TTC39B: variants seen among roughly 807,000 people sequenced by gnomAD.
The protein encoded by TTC39B is tetratricopeptide repeat domain 39B.
In TTC39B, 92 loss-of-function variants were observed where a neutral mutation model predicts 96.6. The ratio of observed to expected loss-of-function variants is 0.95; its 90% CI spans 0.80 to 1.13. The LOEUF is 1.13. Ranked by LOEUF, TTC39B falls within the 50% of genes most tolerant of loss-of-function variation. TTC39B has a pLI of 0.00. For synonymous variants in TTC39B, 367 were observed against 299.4 expected (o/e 1.23, Z -2.33); for missense variants, 955 against 809.3 (o/e 1.18, Z -2.18).
intron 13 of TTC39B, 30 bp from the exon 14 acceptor site, chr9:15,188,162 C>A: frequency 3.2e-6 from 5 of 1,545,456 alleles, no homozygotes; most frequent in South Asian, 2.6e-5. Context: ...AGTTGATCGT[C>A]CAGATATTAG....
chr9:15,267,567 A>T (rs1428118627), intron 2 of TTC39B, among the ~76,000 whole-genome samples: 1 of 152,230 alleles, frequency 6.6e-6, no homozygotes, highest in Non-Finnish European at 1.5e-5. Context: ...ATAGGCTTAC[A>T]GTGAATGCTT....
intron 3 of TTC39B, among the ~76,000 whole-genome samples, chr9:15,216,948 G>A (rs943635495): frequency 6.6e-6 from 1 of 152,194 alleles, no homozygotes; most frequent in Admixed American, 6.5e-5. Context: ...TGGGAGGCAG[G>A]GGTGAGGAGA....
chr9:15,166,479 T>G (rs1817518854), exon 20 of TTC39B: 1 of 152,224 alleles, frequency 6.6e-6, no homozygotes, highest in Non-Finnish European at 1.5e-5. Context: ...TCTGCAGTTA[T>G]GAAGTTACAA....
chr9:15,187,593 G>A (rs1013632581), intron 14 of TTC39B, among the ~76,000 whole-genome samples: 3 of 152,170 alleles, frequency 2.0e-5, no homozygotes, highest in Admixed American at 6.5e-5. Flanking sequence ...CCACGTAGAA[G>A]GGACTATAGA....
intron 1 of TTC39B, among the ~76,000 whole-genome samples, chr9:15,298,969 G>C (rs1231723980): frequency 6.6e-6 from 1 of 152,062 alleles, no homozygotes; most frequent in Admixed American, 6.6e-5. Context: ...GACTCAGAAT[G>C]TCTAAGAAAT....
chr9:15,167,934 TG>T (rs1329372929), exon 20 of TTC39B: 2 of 152,136 alleles, frequency 1.3e-5, no homozygotes, highest in African/African-American at 4.8e-5. Flanking sequence ...GGCAGAATAA[TG>T]TTCAAATATG....
chr9:15,298,115 T>C (rs7038053), intron 1 of TTC39B, among the ~76,000 whole-genome samples: 10,736 of 152,226 alleles, frequency 0.071, 447 homozygotes, highest in South Asian at 0.18. Flanking sequence ...CTTCTGGAGC[T>C]GGGAAGTCCT....
At chr9:15,245,866 T>G (rs1013242700) in intron 2 of TTC39B, among the ~76,000 whole-genome samples, 5 of 152,184 alleles carry the variant, frequency 3.3e-5, no homozygotes, top group African/African-American at 1.2e-4. Context: ...ATCAAACTCA[T>G]GTTCTGTTTG....
At chr9:15,228,600 C>G (rs941957424) in intron 2 of TTC39B, among the ~76,000 whole-genome samples, 3 of 152,208 alleles carry the variant, frequency 2.0e-5, no homozygotes, top group African/African-American at 7.2e-5. Context: ...GCCAACTCAC[C>G]TCTAACTAAG....
chr9:15,170,057 T>C (rs1490117256), exon 20 of TTC39B: 1 of 152,188 alleles, frequency 6.6e-6, no homozygotes, highest in Non-Finnish European at 1.5e-5. Flanking sequence ...GAAAACTTTT[T>C]TCCAAAGCTA....
chr9:15,255,146 C>T (rs1455882496), intron 2 of TTC39B, among the ~76,000 whole-genome samples: 6 of 151,928 alleles, frequency 3.9e-5, no homozygotes, highest in African/African-American at 1.5e-4. Context: ...AAATAAATAA[C>T]ATAGAAATTA....
intron 1 of TTC39B, among the ~76,000 whole-genome samples, chr9:15,289,566 T>C (rs534937750): frequency 2.0e-5 from 3 of 152,328 alleles, no homozygotes; most frequent in South Asian, 2.1e-4. Flanking sequence ...CAGAACTCCA[T>C]GTGTCTGCTA....
At position 15,285,974 on chromosome 9, in the gene TTC39B, C is replaced by A. The variant is rs547996847; in HGVS notation, c.241-18026G>T. 2.1e-4 allele frequency among the ~76,000 whole-genome samples: 32 copies of A among 152,340 alleles called. 1 individual carries two copies. In the South Asian group the frequency reaches 6.6e-3, roughly 32 times the overall value. ...CACCCTCTCCACCTCCTTTTCCCTT[C>A]CTATCGATCAATCAATCTAGCCAAA... On this transcript the variant is annotated intron_variant, in intron 1 of 19. Transcript: ENST00000512701.
chr9:15,211,342 C>A (rs1820189246), exon 5 of TTC39B: 1 of 1,597,742 alleles, frequency 6.3e-7, no homozygotes, highest in Admixed American at 1.7e-5. Context: ...GTCAGGACAG[C>A]CTGCAACACC....
chr9:15,250,000 T>C, intron 2 of TTC39B: 1 of 1,288,746 alleles, frequency 7.8e-7, no homozygotes, highest in Non-Finnish European at 1.0e-6. Flanking sequence ...CCAGATTTTT[T>C]TTTAAGCCAA....
Position 15,279,386 on chromosome 9 carries a change from T to C in TTC39B, c.241-11438A>G, listed in dbSNP as rs78445538. On this transcript the variant is annotated intron_variant, in intron 1 of 19. Coordinates refer to ENST00000512701, the Ensembl canonical transcript of TTC39B. ...AGAGGCAGTTCCCAAAGAGTAAGGC[T>C]TCAAAGATGATCTCAAACTGAGAAA... Among the ~76,000 whole-genome samples the C allele has an allele frequency of 1.8e-3, 269 of 152,218 alleles. 2 individuals are homozygous for C. The highest frequency in any genetic ancestry group is 0.01 in the Middle Eastern group (3 of 292).
intron 3 of TTC39B, among the ~76,000 whole-genome samples, chr9:15,221,693 A>G (rs1322527139): frequency 6.6e-6 from 1 of 152,196 alleles, no homozygotes; most frequent in East Asian, 1.9e-4. Flanking sequence ...AGCTATGTCT[A>G]CTTTAGTAGA....
At chr9:15,194,447 A>ATG (rs1402146837) in intron 8 of TTC39B, among the ~76,000 whole-genome samples, 1 of 152,172 alleles carries the variant, frequency 6.6e-6, no homozygotes, top group African/African-American at 2.4e-5. Context: ...CCAGGTAAGT[A>ATG]TGTGCGTGTG....
intron 2 of TTC39B, among the ~76,000 whole-genome samples, chr9:15,262,217 G>C (rs896610416): frequency 6.6e-6 from 1 of 152,136 alleles, no homozygotes; most frequent in Non-Finnish European, 1.5e-5. Context: ...TCCTGCCTCA[G>C]CCTCCTGAGT....
Sources: allele counts gnomAD v4.1 joint callset (sites outside exome capture counted in the v4.1 genomes callset), GRCh38; gene constraint gnomAD v4.1.1; transcripts MANE v1.5; gene names NCBI Gene and HGNC (gene_info 2026-07-23, HGNC 2026-07-21).